Variants in SCYL3 observed in about 807,000 individuals in gnomAD.
SCYL3 encodes the protein protein-associating with the carboxyl-terminal domain of ezrin.
A neutral mutation model predicts 73.8 loss-of-function variants in SCYL3; 35 were observed. The observed-to-expected ratio is 0.47, with a 90% CI of 0.36 to 0.63. SCYL3 has a LOEUF of 0.63. Among genes scored for constraint, SCYL3 ranks in the 20% least tolerant of loss-of-function variants. The probability of loss-of-function intolerance (pLI) is 0.00; values close to 1 mark genes in which losing one functional copy is unlikely to be tolerated. For missense variants in SCYL3, 712 were observed against 798.9 expected (o/e 0.89, Z 1.31); for synonymous variants, 277 against 295.2 (o/e 0.94, Z 0.63).
intron 6 of SCYL3, 149 bp downstream of exon 6, chr1:169,870,106 T>G: frequency 1.8e-6 from 1 of 550,340 alleles, no homozygotes; most frequent in Non-Finnish European, 3.2e-6. Flanking sequence ...TTCCTTACTG[T>G]TCTTAGTATC....
chr1:169,859,256 A>C (rs1571389882), intron 10 of SCYL3, 44 bp from the exon 11 acceptor site: 1 of 1,552,180 alleles, frequency 6.4e-7, no homozygotes, highest in Non-Finnish European at 8.7e-7. Flanking sequence ...CACAATACCT[A>C]TCTCTTTCTT....
At chr1:169,890,697 G>T (rs1662023486) in intron 1 of SCYL3, among the ~76,000 whole-genome samples, 1 of 152,192 alleles carries the variant, frequency 6.6e-6, no homozygotes, top group Non-Finnish European at 1.5e-5. Context: ...ATGTTGCTGA[G>T]AATAAGAACT....
At chr1:169,887,738 T>C (rs1571461262) in intron 2 of SCYL3, among the ~76,000 whole-genome samples, 1 of 152,336 alleles carries the variant, frequency 6.6e-6, no homozygotes, top group South Asian at 2.1e-4. Context: ...TCTTTTTCTT[T>C]AGGAACCATC....
At chr1:169,859,518 CTG>C (rs1558120259) in intron 10 of SCYL3, among the ~76,000 whole-genome samples, 1 of 152,194 alleles carries the variant, frequency 6.6e-6, no homozygotes. Context: ...GTCTTCATAT[CTG>C]TACTCACATC....
At chr1:169,855,932 G>T (rs1227405363) in intron 11 of SCYL3, 1 of 1,613,544 alleles carries the variant, frequency 6.2e-7, no homozygotes, top group Non-Finnish European at 8.5e-7. Flanking sequence ...GACTGTGATG[G>T]CTGCAGACGA....
chr1:169,881,078 C>T (rs1271512514), intron 2 of SCYL3, among the ~76,000 whole-genome samples: 1 of 152,090 alleles, frequency 6.6e-6, no homozygotes, highest in Non-Finnish European at 1.5e-5. Flanking sequence ...CACATATTTA[C>T]CTCTTCAGTT....
intron 1 of SCYL3, among the ~76,000 whole-genome samples, chr1:169,892,361 C>A (rs1474885534): frequency 6.6e-6 from 1 of 152,168 alleles, no homozygotes; most frequent in East Asian, 1.9e-4. Context: ...TGGGCTCAAG[C>A]TACCTGCCCT....
chr1:169,876,340 CT>C (rs1345648768), intron 3 of SCYL3, among the ~76,000 whole-genome samples: 1 of 152,186 alleles, frequency 6.6e-6, no homozygotes, highest in Admixed American at 6.5e-5. Context: ...TTATCTCCCC[CT>C]GCCTCATGTG....
intron 2 of SCYL3, among the ~76,000 whole-genome samples, chr1:169,880,821 G>A (rs1292420588): frequency 6.6e-6 from 1 of 150,990 alleles, no homozygotes; most frequent in African/African-American, 2.4e-5. Context: ...GAGTGCAGTG[G>A]CGCAATCTCA....
chr1:169,876,095 GAAA>G lies in SCYL3; in HGVS notation c.352-7_352-5del, dbSNP rs768894210. The G allele has an allele frequency of 1.4e-6, 2 of 1,384,766 alleles. No homozygotes were observed. The highest frequency in any genetic ancestry group is 1.9e-6 in the Non-Finnish European group (2 of 1,030,412). The allele number at this position is 1,384,766 out of a possible 1,614,324, so 85.8% of individuals were successfully genotyped here. ...CATTATTGTGTGTTAGGTGTCCCTG[GAAA>G]AAAAAAAGAACAGAAGGAAGAGTGC... On this transcript the variant is annotated splice_region_variant and splice_polypyrimidine_tract_variant and intron_variant, in intron 3 of 12. Coordinates refer to ENST00000367771, the MANE Select transcript of SCYL3 (RefSeq NM_020423.7).
At position 169,849,677 on chromosome 1, in the gene SCYL3, A is replaced by G. The variant is rs529161748; in HGVS notation, c.*4036T>C. On this transcript the variant is annotated 3_prime_UTR_variant, in exon 13 of 13. Transcript: ENST00000367771. ...ATTTCAAATATTCCAGAACAATCCC[A>G]AAACATTTATTGAACTGCTTCTGTA... The G allele has an allele frequency of 1.2e-5, 14 of 1,211,838 alleles. No individual in the cohort carries two copies. In the East Asian group the frequency reaches 3.0e-4, roughly 26 times the overall value. The allele number at this position is 1,211,838 out of a possible 1,614,324, so 75.1% of individuals were successfully genotyped here.
chr1:169,855,747 A>G (rs1659078552), intron 11 of SCYL3: 1 of 1,551,142 alleles, frequency 6.4e-7, no homozygotes, highest in African/African-American at 1.4e-5. Context: ...AGTCTCAGGA[A>G]AACATTCATC....
At chr1:169,866,270 ATGTG>A (rs1454536242) in intron 8 of SCYL3, among the ~76,000 whole-genome samples, 1 of 152,206 alleles carries the variant, frequency 6.6e-6, no homozygotes, top group Non-Finnish European at 1.5e-5. Context: ...TAATGCCCTT[ATGTG>A]TGGCTTCATA....
chr1:169,869,164 G>C, intron 6 of SCYL3, 125 bp from the exon 7 acceptor site: 1 of 694,884 alleles, frequency 1.4e-6, no homozygotes, highest in Non-Finnish European at 2.5e-6. Flanking sequence ...CCTGGCTGTT[G>C]CTAAACAGCT....
At chr1:169,888,922 T>A in intron 1 of SCYL3, 32 bp from the exon 2 acceptor site, 1 of 1,265,450 alleles carries the variant, frequency 7.9e-7, no homozygotes, top group Non-Finnish European at 1.1e-6. Context: ...TTTCAAACAT[T>A]AAATCCCTAT....
At chr1:169,887,520 G>A (rs17603776) in intron 2 of SCYL3, among the ~76,000 whole-genome samples, 4,990 of 152,132 alleles carry the variant, frequency 0.033, 115 homozygotes, top group Non-Finnish European at 0.046. Flanking sequence ...AATAACAGGA[G>A]GCATGTTAGA....
intron 2 of SCYL3, among the ~76,000 whole-genome samples, chr1:169,881,206 C>G (rs1383286331): frequency 6.6e-6 from 1 of 152,138 alleles, no homozygotes; most frequent in South Asian, 2.1e-4. Flanking sequence ...GCTGAAGATA[C>G]CTACATTACA....
chr1:169,890,567 C>T (rs545296488), intron 1 of SCYL3, among the ~76,000 whole-genome samples: 34 of 152,326 alleles, frequency 2.2e-4, no homozygotes, highest in Admixed American at 1.2e-3. Context: ...TGTAATGCTG[C>T]TCAAAACACA....
intron 5 of SCYL3, 98 bp from the exon 6 acceptor site, chr1:169,870,455 CTCAAA>C (rs1196555040): frequency 1.4e-5 from 10 of 732,898 alleles, no homozygotes; most frequent in Non-Finnish European, 2.4e-5. Context: ...ATTTATTATA[CTCAAA>C]TCTATCTTCA....
Sources: gnomAD v4.1 joint callset for allele counts (sites outside exome capture counted in the v4.1 genomes callset) on GRCh38, gnomAD v4.1.1 for gene constraint, MANE v1.5 for transcripts, NCBI Gene and HGNC (gene_info 2026-07-23, HGNC 2026-07-21) for gene names.